Variants in PREX1 observed in about 807,000 individuals in gnomAD.
PREX1 encodes phosphatidylinositol-3,4,5-trisphosphate dependent Rac exchange factor 1, also known as phosphatidylinositol 3,4,5-trisphosphate-dependent Rac exchanger 1 protein.
A neutral mutation model predicts 198.3 loss-of-function variants in PREX1; 41 were observed. The ratio of observed to expected loss-of-function variants is 0.21; its 90% CI spans 0.16 to 0.27. PREX1 has a LOEUF of 0.27. PREX1 is among the 10% of genes least tolerant of loss of function. The pLI, the probability that PREX1 is intolerant of heterozygous loss-of-function variation, is 1.00. For missense variants in PREX1, 1,620 were observed against 2,200.7 expected, an observed-to-expected ratio of 0.74 and a Z score of 5.28; for synonymous variants, 843 against 887.2, an observed-to-expected ratio of 0.95 and a Z score of 0.89.
chr20:48,844,643 T>A, the PREX1 span, among the ~76,000 whole-genome samples: 1 of 152,158 alleles, frequency 6.6e-6, no homozygotes, highest in Non-Finnish European at 1.5e-5. Flanking sequence ...GACAGCACGA[T>A]GTCTAGGGGC....
At position 48,691,544 on chromosome 20, in the gene PREX1, C is replaced by G. The variant is rs1192692295; in HGVS notation, c.1037-448G>C. ...AACCTCTCAAACAGATTGGCATGAT[C>G]TAGGGAAGCGAAAGCCTGAATCTGA... is the stretch of plus-strand genomic sequence containing the variant. On this transcript the variant is annotated intron_variant, in intron 8 of 39. Coordinates refer to ENST00000371941, the MANE Select transcript of PREX1 (RefSeq NM_020820.4). This position sits in a 1 kb window ranked among gnomAD's most constrained non-coding sequence, Gnocchi z 5.0. Among the ~76,000 whole-genome samples the G allele has an allele frequency of 6.6e-6, 1 of 152,202 alleles. No individual in the cohort carries two copies. The highest frequency in any genetic ancestry group is 2.4e-5 in the African/African-American group (1 of 41,450).
At chr20:48,779,467 C>T (rs2090278605) in intron 1 of PREX1, among the ~76,000 whole-genome samples, 1 of 152,194 alleles carries the variant, frequency 6.6e-6, no homozygotes, top group Admixed American at 6.5e-5. Flanking sequence ...AGTCAAATAT[C>T]TACTTACCAT....
intron 1 of PREX1, among the ~76,000 whole-genome samples, chr20:48,770,139 G>T (rs1293127201): frequency 6.6e-6 from 1 of 152,166 alleles, no homozygotes; most frequent in Non-Finnish European, 1.5e-5. Context: ...AGCCAGGTGG[G>T]AGCCATCTCT....
At chr20:48,856,124 G>A in the PREX1 span, among the ~76,000 whole-genome samples, 9 of 152,182 alleles carry the variant, frequency 5.9e-5, no homozygotes, top group Non-Finnish European at 1.0e-4. Context: ...GGGAGTGGCA[G>A]GTGCAATGGC....
chr20:48,724,808 T>C (rs574122105), intron 5 of PREX1, among the ~76,000 whole-genome samples: 3 of 152,216 alleles, frequency 2.0e-5, no homozygotes, highest in African/African-American at 7.2e-5. Context: ...ACAAAGCACA[T>C]CTGCAGGCCC....
chr20:48,879,694 C>G, the PREX1 span, among the ~76,000 whole-genome samples: 56 of 152,176 alleles, frequency 3.7e-4, no homozygotes, highest in Non-Finnish European at 5.7e-4. Context: ...ACCCTTACTC[C>G]CCTCCAAATC....
At chr20:48,855,671 G>A in the PREX1 span, among the ~76,000 whole-genome samples, 14 of 152,286 alleles carry the variant, frequency 9.2e-5, no homozygotes, top group Non-Finnish European at 1.6e-4. Context: ...GGCCAAGGAG[G>A]GTGGATCACT....
At chr20:48,692,911 T>C in intron 7 of PREX1, 121 bp from the exon 8 acceptor site, 2 of 814,524 alleles carry the variant, frequency 2.5e-6, no homozygotes, top group East Asian at 2.4e-5. Context: ...GAGCCCCAGG[T>C]AGGGGTCAGG....
chr20:48,779,529 AT>A (rs1168483955), intron 1 of PREX1, among the ~76,000 whole-genome samples: 5 of 152,364 alleles, frequency 3.3e-5, no homozygotes, highest in African/African-American at 1.2e-4. Flanking sequence ...ATGAAAACTT[AT>A]GTTCACACAA....
intron 14 of PREX1, among the ~76,000 whole-genome samples, chr20:48,670,189 G>T (rs1182332782): frequency 6.6e-6 from 1 of 152,140 alleles, no homozygotes; most frequent in African/African-American, 2.4e-5. Context: ...GGGGAGGTTA[G>T]TTGCCTAGGG....
the PREX1 span, among the ~76,000 whole-genome samples, chr20:48,883,879 G>T: frequency 6.6e-6 from 1 of 152,158 alleles, no homozygotes; most frequent in African/African-American, 2.4e-5. Flanking sequence ...AGTGGCTCAG[G>T]CCTGTAATCC....
chr20:48,756,962 C>T (rs1005120540), intron 1 of PREX1, among the ~76,000 whole-genome samples: 1 of 152,074 alleles, frequency 6.6e-6, no homozygotes, highest in African/African-American at 2.4e-5. Flanking sequence ...TTTATAAAAC[C>T]ATCAGATCTC....
chr20:48,774,365 A>C (rs1037396033), intron 1 of PREX1, among the ~76,000 whole-genome samples: 6 of 152,194 alleles, frequency 3.9e-5, no homozygotes, highest in African/African-American at 1.2e-4. Flanking sequence ...GAAAGCTGCT[A>C]TCTCTGTGTG....
At chr20:48,646,833 T>C (rs943151976) in intron 25 of PREX1, among the ~76,000 whole-genome samples, 5 of 152,350 alleles carry the variant, frequency 3.3e-5, no homozygotes, top group African/African-American at 9.6e-5. Context: ...AATCCCAGTA[T>C]TGCCATTCCT....
intron 24 of PREX1, 80 bp from the exon 25 acceptor site, chr20:48,649,656 AT>A (rs1374909021): frequency 1.4e-6 from 2 of 1,434,036 alleles, no homozygotes; most frequent in African/African-American, 2.9e-5. Context: ...ATACAAACCC[AT>A]TTCAAGGATC....
rs181401553 is a variant in PREX1, at chr20:48,805,010, C to T, written c.219+22632G>A. Among the ~76,000 whole-genome samples, 240 of 152,264 alleles carry T rather than the reference C, an allele frequency of 1.6e-3. 3 individuals are homozygous for T. The highest frequency in any genetic ancestry group is 5.4e-3 in the African/African-American group (223 of 41,544). ...GCAAGGAATATAAATTTGAGAAATG[C>T]TGGCAGGGCATTTTAAATGATTGAG... is the stretch of plus-strand genomic sequence containing the variant. On this transcript the variant is annotated intron_variant, in intron 1 of 39. Coordinates refer to ENST00000371941, the MANE Select transcript of PREX1 (RefSeq NM_020820.4).
At position 48,783,048 on chromosome 20, in the gene PREX1, G is replaced by A. The variant is rs143466359; in HGVS notation, c.220-35168C>T. The stretch of plus-strand genomic sequence containing the variant: ...ACCAGGTTGCCTGGGTTTACACAGC[G>A]CTGCCACTCACCAGCTGCGTGACCT... On this transcript the variant is annotated intron_variant, in intron 1 of 39. Transcript: ENST00000371941. Among the ~76,000 whole-genome samples the A allele has an allele frequency of 1.1e-4, 17 of 152,294 alleles. No homozygotes were observed. The East Asian group carries it at 2.5e-3, about 22-fold the overall frequency.
chr20:48,726,182 C>G, intron 5 of PREX1, 108 bp downstream of exon 5: 2 of 895,082 alleles, frequency 2.2e-6, no homozygotes, highest in Non-Finnish European at 3.6e-6. Context: ...TCCAGCCCGG[C>G]CCAAAGCTGA....
intron 3 of PREX1, among the ~76,000 whole-genome samples, chr20:48,739,899 T>A (rs769026472): frequency 6.6e-6 from 1 of 151,776 alleles, no homozygotes; most frequent in South Asian, 2.1e-4. Context: ...CTTTAAAGAG[T>A]GTTGTGAAGT....
Sources: gnomAD v4.1 joint callset for allele counts (sites outside exome capture counted in the v4.1 genomes callset) on GRCh38, gnomAD v4.1.1 for gene constraint, Gnocchi (gnomAD v3.1) non-coding constraint, MANE v1.5 for transcripts, NCBI Gene and HGNC (gene_info 2026-07-23, HGNC 2026-07-21) for gene names.